Variants in GLRA2 observed in about 807,000 individuals in gnomAD.
The protein encoded by GLRA2 is glycine receptor alpha 2, also known as glycine receptor subunit alpha-2.
GLRA2 carries 11 observed loss-of-function variants against 31.6 expected under a neutral mutation model. That is an observed-to-expected ratio of 0.35 (90% confidence interval 0.22 to 0.58). The LOEUF is 0.58. GLRA2 is among the 20% of genes least tolerant of loss of function. The pLI is 0.84. For missense variants in GLRA2, 212 were observed against 351.8 expected (o/e 0.60, Z 3.18); for synonymous variants, 132 against 134.0 (o/e 0.99, Z 0.10).
intron 7 of GLRA2, among the ~76,000 whole-genome samples, chrX:14,633,420 A>G (rs1371171876): frequency 9.0e-6 from 1 of 111,722 alleles, no homozygotes; most frequent in Non-Finnish European, 1.9e-5. Flanking sequence ...GCTTGAGCCT[A>G]GTTGTTCAAG....
the GLRA2 span, among the ~76,000 whole-genome samples, chrX:14,488,179 A>G: frequency 8.9e-6 from 1 of 112,277 alleles, no homozygotes; most frequent in Admixed American, 9.4e-5. Flanking sequence ...CACTGAAAAG[A>G]AATAATGCCA....
At chrX:14,571,210 TC>T (rs1407970740) in intron 2 of GLRA2, among the ~76,000 whole-genome samples, 3 of 112,113 alleles carry the variant, frequency 2.7e-5, no homozygotes, top group Admixed American at 1.9e-4. Flanking sequence ...TGCTGATAAA[TC>T]AATTAGATGG....
At position 14,724,396 on chromosome X, in the gene GLRA2, C is replaced by T. The variant is rs772380291; in HGVS notation, c.1081-5811C>T. Among the ~76,000 whole-genome samples, 6 of 109,737 alleles carry T rather than the reference C, an allele frequency of 5.5e-5. No homozygotes were observed. The South Asian group carries it at 1.2e-3, about 21-fold the overall frequency. ...ATCCCAGCACTTTGGGAGGCCGAAG[C>T]GGGTGCATCACCGGAAGTCAGGAGT... On this transcript the variant is annotated intron_variant, in intron 8 of 8. Coordinates refer to ENST00000218075, the MANE Select transcript of GLRA2 (RefSeq NM_002063.4).
At chrX:14,719,957 C>A (rs1259008995) in intron 8 of GLRA2, among the ~76,000 whole-genome samples, 1 of 111,424 alleles carries the variant, frequency 9.0e-6, no homozygotes, top group Non-Finnish European at 1.9e-5. Context: ...AAGAGAAATA[C>A]TACAATTTCT....
chrX:14,499,603 G>A, the GLRA2 span, among the ~76,000 whole-genome samples: 1 of 111,173 alleles, frequency 9.0e-6, no homozygotes, highest in Non-Finnish European at 1.9e-5. Context: ...AATTAATATG[G>A]AAACAGAAAA....
chrX:14,727,933 C>T (rs1405828328), intron 8 of GLRA2, among the ~76,000 whole-genome samples: 1 of 111,894 alleles, frequency 8.9e-6, no homozygotes, highest in African/African-American at 3.2e-5. Flanking sequence ...ATGCTTGTCA[C>T]AGAGGCAACA....
intron 8 of GLRA2, among the ~76,000 whole-genome samples, chrX:14,709,467 A>T (rs916052480): frequency 2.7e-5 from 3 of 112,291 alleles, no homozygotes; most frequent in African/African-American, 9.7e-5. Flanking sequence ...TGGTAACCGT[A>T]ATAATGAAGC....
At chrX:14,702,348 T>G (rs1369482211) in intron 8 of GLRA2, among the ~76,000 whole-genome samples, 2 of 112,022 alleles carry the variant, frequency 1.8e-5, no homozygotes, top group African/African-American at 6.5e-5. Context: ...ATCAGGAAAA[T>G]GCTGCTTCAG....
At chrX:14,558,495 C>T (rs1055764225) in intron 2 of GLRA2, among the ~76,000 whole-genome samples, 2 of 111,710 alleles carry the variant, frequency 1.8e-5, no homozygotes, top group Non-Finnish European at 3.8e-5. Flanking sequence ...TCCAGGTTTT[C>T]TCAGGACTGC....
intron 7 of GLRA2, among the ~76,000 whole-genome samples, chrX:14,650,973 G>A (rs1233936789): frequency 1.8e-5 from 2 of 111,974 alleles, no homozygotes; most frequent in African/African-American, 6.5e-5. Flanking sequence ...TGCTGAAAAT[G>A]TGTTCTTGTT....
chrX:14,718,968 A>G (rs1210159988), intron 8 of GLRA2, among the ~76,000 whole-genome samples: 1 of 111,812 alleles, frequency 8.9e-6, no homozygotes, highest in Admixed American at 9.5e-5. Context: ...CAAAGTCACA[A>G]TGAAGAAACC....
At chrX:14,517,226 T>G in the GLRA2 span, among the ~76,000 whole-genome samples, 1 of 112,253 alleles carries the variant, frequency 8.9e-6, no homozygotes, top group African/African-American at 3.2e-5. Context: ...GCACATCAAT[T>G]AACAACTATG....
intron 2 of GLRA2, among the ~76,000 whole-genome samples, chrX:14,545,190 T>C (rs1348421812): frequency 1.8e-5 from 2 of 111,930 alleles, no homozygotes; most frequent in East Asian, 5.7e-4. Flanking sequence ...TACCATAGAC[T>C]GGGTAATTTT....
At chrX:14,500,820 G>A in the GLRA2 span, among the ~76,000 whole-genome samples, 3 of 110,799 alleles carry the variant, frequency 2.7e-5, no homozygotes, top group African/African-American at 9.9e-5. Context: ...TGATCATCTT[G>A]ACACTGTATA....
chrX:14,707,481 T>C (rs1433258745), intron 8 of GLRA2, among the ~76,000 whole-genome samples: 2 of 111,063 alleles, frequency 1.8e-5, no homozygotes, highest in Non-Finnish European at 3.8e-5. Flanking sequence ...CATGAGAATA[T>C]TGCATGATAC....
intron 8 of GLRA2, among the ~76,000 whole-genome samples, chrX:14,695,215 T>G (rs1601846129): frequency 9.3e-6 from 1 of 107,435 alleles, no homozygotes; most frequent in African/African-American, 3.4e-5. Context: ...CTATCTAGAG[T>G]GGATTGGGCA....
At chrX:14,485,389 A>G in the GLRA2 span, among the ~76,000 whole-genome samples, 3 of 112,353 alleles carry the variant, frequency 2.7e-5, no homozygotes, top group African/African-American at 9.7e-5. Flanking sequence ...ATAAACATAC[A>G]TGTATTCTAT....
At chrX:14,531,359 C>T (rs1253960793) in intron 1 of GLRA2, among the ~76,000 whole-genome samples, 1 of 111,361 alleles carries the variant, frequency 9.0e-6, no homozygotes, top group South Asian at 3.7e-4. Flanking sequence ...AAAATACATA[C>T]TTTAGGGAAG....
chrX:14,538,210 G>T (rs1318807440), intron 2 of GLRA2, among the ~76,000 whole-genome samples: 2 of 110,510 alleles, frequency 1.8e-5, no homozygotes, highest in Non-Finnish European at 3.8e-5. Context: ...TCAAGTTCTG[G>T]TTCAGCCATT....
Sources: allele counts gnomAD v4.1 joint callset (sites outside exome capture counted in the v4.1 genomes callset), GRCh38; gene constraint gnomAD v4.1.1; transcripts MANE v1.5; gene names NCBI Gene and HGNC (gene_info 2026-07-23, HGNC 2026-07-21).